MARCHF1: variants seen among roughly 807,000 people sequenced by gnomAD.
MARCHF1 encodes the protein membrane associated ring-CH-type finger 1, also known as E3 ubiquitin-protein ligase MARCHF1.
A neutral mutation model predicts 54.2 loss-of-function variants in MARCHF1; 40 were observed. The observed-to-expected ratio is 0.74, with a 90% CI of 0.57 to 0.96. The LOEUF is 0.96. MARCHF1 is among the 40% of genes least tolerant of loss of function. The probability of loss-of-function intolerance (pLI) is 0.00; values close to 1 mark genes in which losing one functional copy is unlikely to be tolerated. For synonymous variants in MARCHF1, 236 were observed against 236.3 expected (o/e 1.00, Z 0.01); for missense variants, 586 against 656.5 (o/e 0.89, Z 1.17).
At chr4:164,197,188 T>G (rs757631935) in intron 1 of MARCHF1, 1 of 1,608,832 alleles carries the variant, frequency 6.2e-7, no homozygotes, top group Non-Finnish European at 8.5e-7. Flanking sequence ...ATCTTCATCA[T>G]ACTCCTCCTC....
chr4:164,334,647 C>A lies in MARCHF1; in HGVS notation c.-323+49223G>T, dbSNP rs371415226. Among the ~76,000 whole-genome samples the A allele has an allele frequency of 4.6e-5, 7 of 152,196 alleles. No individual in the cohort carries two copies. In the East Asian group the frequency reaches 1.4e-3, roughly 29 times the overall value. On this transcript the variant is annotated intron_variant, in intron 1 of 9. Transcript: ENST00000514618. ...CATATCTGCTAAGACAATATCCATT[C>A]TACAATCCATAGATCAAGGAATAAT... is the stretch of plus-strand genomic sequence containing the variant.
chr4:163,980,098 A>G (rs1245969824), intron 3 of MARCHF1, among the ~76,000 whole-genome samples: 2 of 147,386 alleles, frequency 1.4e-5, no homozygotes, highest in Admixed American at 6.9e-5. Flanking sequence ...GAGGCATCAC[A>G]CTACCTGACT....
intron 4 of MARCHF1, among the ~76,000 whole-genome samples, chr4:163,803,602 C>G (rs2110982628): frequency 6.6e-6 from 1 of 152,258 alleles, no homozygotes; most frequent in African/African-American, 2.4e-5. Flanking sequence ...GTACACAGCT[C>G]AAGCATAGTG....
rs578012796 is a variant in MARCHF1, at chr4:163,718,063, A to G, written c.112-17200T>C. Reference sequence around the variant, plus strand: ...ACAAGAAATGGGCAAAGGATTCCCTATTTAATCAATGGTGCTGGGAAAACT... The same window carrying G: ...ACAAGAAATGGGCAAAGGATTCCCTGTTTAATCAATGGTGCTGGGAAAACT... On this transcript the variant is annotated intron_variant, in intron 4 of 9. Coordinates refer to ENST00000514618, the MANE Select transcript of MARCHF1 (RefSeq NM_001394959.1). Among the ~76,000 whole-genome samples the G allele has an allele frequency of 1.3e-4, 20 of 152,332 alleles. No individual in the cohort carries two copies. In the East Asian group the frequency reaches 3.7e-3, roughly 28 times the overall value.
chr4:164,107,994 A>G (rs1755744279), intron 2 of MARCHF1, among the ~76,000 whole-genome samples: 1 of 152,132 alleles, frequency 6.6e-6, no homozygotes, highest in African/African-American at 2.4e-5. Flanking sequence ...TCAGTTCACT[A>G]CATGTCTTTC....
At chr4:163,778,913 G>T (rs1350417467) in intron 4 of MARCHF1, among the ~76,000 whole-genome samples, 1 of 152,044 alleles carries the variant, frequency 6.6e-6, no homozygotes, top group African/African-American at 2.4e-5. Context: ...ATGAGTAAAA[G>T]CCCTGACTCC....
At chr4:164,196,657 G>A (rs1020642298) in intron 1 of MARCHF1, among the ~76,000 whole-genome samples, 2 of 151,980 alleles carry the variant, frequency 1.3e-5, no homozygotes, top group African/African-American at 4.8e-5. Flanking sequence ...GGACTAAAAG[G>A]ACTATACTTA....
intron 4 of MARCHF1, among the ~76,000 whole-genome samples, chr4:163,773,084 G>T (rs528853539): frequency 6.6e-6 from 1 of 152,216 alleles, no homozygotes; most frequent in Non-Finnish European, 1.5e-5. Context: ...GGCAATGGGG[G>T]AAAGAGTTTA....
At chr4:164,058,369 T>C (rs2111061359) in intron 2 of MARCHF1, among the ~76,000 whole-genome samples, 1 of 152,310 alleles carries the variant, frequency 6.6e-6, no homozygotes, top group East Asian at 1.9e-4. Context: ...TTGATACCAT[T>C]ACTTGCTTTT....
intron 1 of MARCHF1, among the ~76,000 whole-genome samples, chr4:164,130,847 T>G (rs186976601): frequency 3.9e-5 from 6 of 152,296 alleles, no homozygotes; most frequent in African/African-American, 1.4e-4. Flanking sequence ...ATGTTACAAA[T>G]CTGAATTACA....
chr4:163,745,094 G>GT (rs1419621763), intron 4 of MARCHF1, among the ~76,000 whole-genome samples: 1 of 150,322 alleles, frequency 6.7e-6, no homozygotes, highest in African/African-American at 2.4e-5. Flanking sequence ...TTGCATGCTC[G>GT]TTTTTTCTTT....
At chr4:163,550,207 G>A (rs757510237) in intron 8 of MARCHF1, among the ~76,000 whole-genome samples, 1 of 150,054 alleles carries the variant, frequency 6.7e-6, no homozygotes, top group Non-Finnish European at 1.5e-5. Flanking sequence ...GCTTCAACCC[G>A]GGAGGCAGAG....
chr4:163,883,636 C>T (rs1448045436), intron 3 of MARCHF1, among the ~76,000 whole-genome samples: 4 of 152,086 alleles, frequency 2.6e-5, no homozygotes, highest in African/African-American at 9.7e-5. Flanking sequence ...ATACAAGATG[C>T]CTAGTTAAAT....
In MARCHF1 at chr4:163,794,023, T is replaced by C. The variant is rs192697739; in HGVS notation, c.111+59998A>G. ...GCTACAATACTATCAAGTTCAGTAT[T>C]ATATTTTCTTTCTAAGTACTTTTTG... On this transcript the variant is annotated intron_variant, in intron 4 of 9. Coordinates refer to ENST00000514618, the MANE Select transcript of MARCHF1 (RefSeq NM_001394959.1). Among the ~76,000 whole-genome samples, 144 of 152,330 alleles carry C rather than the reference T, an allele frequency of 9.5e-4. 1 individual carries two copies. Among genetic ancestry groups the C allele is most frequent in the African/African-American group, 3.3e-3 (138 of 41,574 alleles).
intron 2 of MARCHF1, among the ~76,000 whole-genome samples, chr4:164,056,317 T>G (rs527781521): frequency 6.6e-6 from 1 of 152,192 alleles, no homozygotes; most frequent in East Asian, 1.9e-4. Flanking sequence ...CACTGAAAGG[T>G]GTGGAGGTAT....
chr4:163,685,759 T>G (rs1216067805), intron 5 of MARCHF1, among the ~76,000 whole-genome samples: 1 of 152,186 alleles, frequency 6.6e-6, no homozygotes, highest in African/African-American at 2.4e-5. Flanking sequence ...CGGCCAATTC[T>G]CCAATTATTT....
Position 163,651,477 on chromosome 4 carries a change from C to T in MARCHF1, c.163-38084G>A, listed in dbSNP as rs140032594. On this transcript the variant is annotated intron_variant, in intron 5 of 9. Coordinates refer to ENST00000514618, the MANE Select transcript of MARCHF1 (RefSeq NM_001394959.1). ...TGCCACCTTAGGTGTCTGCTTTCTC[C>T]ACTGCCTCTTTAATTCCTGCAGCTC... Among the ~76,000 whole-genome samples, 913 of 151,336 alleles carry T rather than the reference C, an allele frequency of 6.0e-3. 6 individuals carry two copies. The highest frequency in any genetic ancestry group is 0.01 in the Non-Finnish European group (692 of 67,746).
At chr4:163,728,453 T>C (rs1745732269) in intron 4 of MARCHF1, among the ~76,000 whole-genome samples, 1 of 152,214 alleles carries the variant, frequency 6.6e-6, no homozygotes, top group Admixed American at 6.5e-5. Context: ...ATCTCTCTAG[T>C]TCCTCTTTGA....
chr4:164,326,957 TTGTGTGTGTGTGTGTGTGTGTG>T (rs370504086), intron 1 of MARCHF1, among the ~76,000 whole-genome samples: 2 of 133,720 alleles, frequency 1.5e-5, no homozygotes, highest in East Asian at 4.5e-4. Context: ...GTTGTAAGGA[TTGTGTGTGTGTGTGTGTGTGTG>T]TGTGTGTGTG....
Sources: gnomAD v4.1 joint callset for allele counts (sites outside exome capture counted in the v4.1 genomes callset) on GRCh38, gnomAD v4.1.1 for gene constraint, MANE v1.5 for transcripts, NCBI Gene and HGNC (gene_info 2026-07-23, HGNC 2026-07-21) for gene names.